Variants in TENM3 observed in about 807,000 individuals in gnomAD.
TENM3 encodes teneurin transmembrane protein 3.
In TENM3, 63 loss-of-function variants were observed where a neutral mutation model predicts 255.1. That is an observed-to-expected ratio of 0.25 (90% CI 0.20 to 0.30). TENM3 has a LOEUF of 0.30. Ranked by LOEUF, TENM3 falls within the 10% of genes least tolerant of loss-of-function variation. The pLI is 1.00. For synonymous variants in TENM3, 1,306 were observed against 1,322.3 expected, an observed-to-expected ratio of 0.99 and a Z score of 0.27; for missense variants, 2,929 against 3,461.1, an observed-to-expected ratio of 0.85 and a Z score of 3.86.
chr4:182,234,756 A>C (rs1344537948), intron 1 of TENM3, among the ~76,000 whole-genome samples: 1 of 152,168 alleles, frequency 6.6e-6, no homozygotes, highest in Non-Finnish European at 1.5e-5. Context: ...AAGAAAAAAA[A>C]ATGAAAGAAA....
chr4:181,566,883 C>T, the TENM3 span, among the ~76,000 whole-genome samples: 4 of 152,178 alleles, frequency 2.6e-5, no homozygotes, highest in African/African-American at 4.8e-5. Context: ...AGAAGCTCGG[C>T]GAAGCTGCCT....
the TENM3 span, among the ~76,000 whole-genome samples, chr4:181,622,089 C>A: frequency 6.6e-6 from 1 of 152,194 alleles, no homozygotes; most frequent in East Asian, 1.9e-4. Flanking sequence ...ATGTTAGACA[C>A]AGGATTAATC....
At chr4:181,633,408 G>A in the TENM3 span, among the ~76,000 whole-genome samples, 1 of 152,230 alleles carries the variant, frequency 6.6e-6, no homozygotes, top group Admixed American at 6.5e-5. Context: ...GGGTAATAGT[G>A]CACCTGACAT....
chr4:182,210,618 G>GTTTT (rs58035061), intron 1 of TENM3, among the ~76,000 whole-genome samples: 1 of 132,288 alleles, frequency 7.6e-6, no homozygotes, highest in Non-Finnish European at 1.6e-5. Context: ...CCCCTCTCTA[G>GTTTT]TTTTTTTTTT....
At chr4:182,479,333 T>C (rs1055334870) in intron 3 of TENM3, among the ~76,000 whole-genome samples, 1 of 151,876 alleles carries the variant, frequency 6.6e-6, no homozygotes, top group Admixed American at 6.6e-5. Flanking sequence ...TCAGGCTACG[T>C]TTTTATATTA....
At chr4:182,618,003 A>G (rs1262637039) in intron 4 of TENM3, among the ~76,000 whole-genome samples, 1 of 152,202 alleles carries the variant, frequency 6.6e-6, no homozygotes, top group African/African-American at 2.4e-5. Flanking sequence ...ACTAACTACT[A>G]CACTCTCTTT....
the TENM3 span, among the ~76,000 whole-genome samples, chr4:181,558,324 C>A: frequency 6.6e-6 from 1 of 152,176 alleles, no homozygotes; most frequent in African/African-American, 2.4e-5. Context: ...AAGCACAGAT[C>A]ACTCCACAAC....
chr4:182,182,183 G>A (rs1353995988), intron 1 of TENM3, among the ~76,000 whole-genome samples: 1 of 152,050 alleles, frequency 6.6e-6, no homozygotes, highest in Non-Finnish European at 1.5e-5. Context: ...AACAAAGGGC[G>A]GGGTGTTTTC....
At chr4:182,069,929 T>C in the TENM3 span, among the ~76,000 whole-genome samples, 5 of 152,110 alleles carry the variant, frequency 3.3e-5, no homozygotes, top group African/African-American at 1.2e-4. Context: ...GCATGATATT[T>C]AGGATCATTG....
chr4:182,294,704 C>T (rs1034283858), intron 1 of TENM3, among the ~76,000 whole-genome samples: 18 of 152,188 alleles, frequency 1.2e-4, no homozygotes, highest in African/African-American at 1.7e-4. Flanking sequence ...CTACTGACCA[C>T]GGCTTTGCAT....
At chr4:182,290,901 A>G (rs1469338057) in intron 1 of TENM3, among the ~76,000 whole-genome samples, 1 of 151,340 alleles carries the variant, frequency 6.6e-6, no homozygotes, top group African/African-American at 2.4e-5. Flanking sequence ...GTTCACTGCA[A>G]TCTCCATTTC....
the TENM3 span, among the ~76,000 whole-genome samples, chr4:181,903,064 G>T: frequency 1.3e-5 from 2 of 152,080 alleles, no homozygotes; most frequent in African/African-American, 2.4e-5. Flanking sequence ...TTATCCATGA[G>T]TGGTTTCCTA....
At chr4:182,083,809 C>CT in the TENM3 span, among the ~76,000 whole-genome samples, 2 of 152,094 alleles carry the variant, frequency 1.3e-5, no homozygotes, top group Non-Finnish European at 2.9e-5. Flanking sequence ...TTGACTTAAG[C>CT]TTTTTGAGAA....
chr4:182,362,859 A>T (rs1404683718), intron 3 of TENM3, among the ~76,000 whole-genome samples: 1 of 152,206 alleles, frequency 6.6e-6, no homozygotes, highest in Non-Finnish European at 1.5e-5. Context: ...CTATTCGGCC[A>T]TCTTGGCTCC....
the TENM3 span, among the ~76,000 whole-genome samples, chr4:181,966,572 G>A: frequency 1.3e-5 from 2 of 152,160 alleles, no homozygotes; most frequent in Non-Finnish European, 2.9e-5. Flanking sequence ...AGAATAAAAT[G>A]CGAGCTGAAA....
chr4:181,746,300 G>A, the TENM3 span, among the ~76,000 whole-genome samples: 104 of 152,252 alleles, frequency 6.8e-4, no homozygotes, highest in Middle Eastern at 0.02. Flanking sequence ...AAGAACTTTG[G>A]TATTCAAATG....
intron 1 of TENM3, among the ~76,000 whole-genome samples, chr4:182,291,819 C>T (rs1279500269): frequency 1.3e-5 from 2 of 152,070 alleles, no homozygotes; most frequent in East Asian, 1.9e-4. Flanking sequence ...CCAGTGGGGT[C>T]GCGTTCCCAT....
intron 3 of TENM3, among the ~76,000 whole-genome samples, chr4:182,502,910 C>CTTTTTTTTTT (rs10671906): frequency 1.3e-5 from 1 of 77,370 alleles, no homozygotes; most frequent in African/African-American, 6.2e-5. Flanking sequence ...TGAAGTCAGC[C>CTTTTTTTTTT]TTTTTTTTTT....
At chr4:181,634,808 G>C in the TENM3 span, among the ~76,000 whole-genome samples, 1 of 151,942 alleles carries the variant, frequency 6.6e-6, no homozygotes, top group Non-Finnish European at 1.5e-5. Context: ...ACAATTTTTT[G>C]GTTAGCATAA....
Sources: allele counts gnomAD v4.1 joint callset (sites outside exome capture counted in the v4.1 genomes callset), GRCh38; gene constraint gnomAD v4.1.1; transcripts MANE v1.5; gene names NCBI Gene and HGNC (gene_info 2026-07-23, HGNC 2026-07-21).